Variants in RICTOR observed in about 807,000 individuals in gnomAD.
RICTOR encodes rapamycin-insensitive companion of mTOR.
In RICTOR, 49 loss-of-function variants were observed where a neutral mutation model predicts 214.9. That is an observed-to-expected ratio of 0.23 (90% confidence interval 0.18 to 0.29). The LOEUF is 0.29. Among genes scored for constraint, RICTOR ranks in the 10% least tolerant of loss-of-function variants. The pLI, the probability that RICTOR is intolerant of heterozygous loss-of-function variation, is 1.00. For synonymous variants in RICTOR, 717 were observed against 711.3 expected (o/e 1.01, Z -0.13); for missense variants, 1,625 against 2,047.0 (o/e 0.79, Z 3.98).
At chr5:38,999,579 G>A (rs1290384283) in intron 5 of RICTOR, among the ~76,000 whole-genome samples, 2 of 151,868 alleles carry the variant, frequency 1.3e-5, no homozygotes, top group African/African-American at 4.8e-5. Context: ...TCATAGCCAA[G>A]ACACGAAAAG....
chr5:39,019,512 T>G (rs1174679342), intron 3 of RICTOR, among the ~76,000 whole-genome samples: 1 of 152,180 alleles, frequency 6.6e-6, no homozygotes, highest in Admixed American at 6.5e-5. Context: ...GCTTTACAAA[T>G]GGAACAAGGC....
chr5:39,051,266 C>T (rs916488131), intron 2 of RICTOR, among the ~76,000 whole-genome samples: 2 of 152,182 alleles, frequency 1.3e-5, no homozygotes, highest in South Asian at 4.1e-4. Flanking sequence ...TTTATTAACA[C>T]TTGTTCTTAG....
chr5:39,071,512 A>C (rs1759320662), intron 2 of RICTOR, among the ~76,000 whole-genome samples: 1 of 152,230 alleles, frequency 6.6e-6, no homozygotes, highest in South Asian at 2.1e-4. Context: ...TCTTATGCCA[A>C]GTACTTTAAT....
chr5:39,030,517 T>C (rs1467664491), intron 2 of RICTOR, among the ~76,000 whole-genome samples: 1 of 152,160 alleles, frequency 6.6e-6, no homozygotes, highest in African/African-American at 2.4e-5. Context: ...TTGGATGAGA[T>C]GTCATTTACT....
chr5:38,966,376 A>G (rs1462061348), intron 15 of RICTOR, among the ~76,000 whole-genome samples: 2 of 152,230 alleles, frequency 1.3e-5, no homozygotes, highest in East Asian at 3.9e-4. Context: ...AGTGAGTGTA[A>G]AAATCAACAT....
intron 6 of RICTOR, among the ~76,000 whole-genome samples, chr5:38,994,068 T>C (rs1394463161): frequency 6.6e-6 from 1 of 151,992 alleles, no homozygotes; most frequent in Non-Finnish European, 1.5e-5. Context: ...CGGGTGCCTG[T>C]AGTCCCAGCT....
intron 25 of RICTOR, among the ~76,000 whole-genome samples, chr5:38,956,879 G>T (rs1388012311): frequency 6.6e-6 from 1 of 151,970 alleles, no homozygotes; most frequent in Non-Finnish European, 1.5e-5. Context: ...TGTATGCTTG[G>T]AAGTTTTAGT....
chr5:39,054,238 C>T (rs934140345), intron 2 of RICTOR, among the ~76,000 whole-genome samples: 16 of 151,914 alleles, frequency 1.1e-4, no homozygotes, highest in African/African-American at 3.9e-4. Context: ...ACAAGAATTT[C>T]CCCCAAATCT....
In RICTOR at chr5:39,043,817, C is replaced by T. The variant is rs959268364; in HGVS notation, c.98-22681G>A. ...ACTGGTGGCTTTATAAGAAGAGAAG[C>T]GACCTGAGCTAGCACATTAGCACGC... On this transcript the variant is annotated intron_variant, in intron 2 of 37. Coordinates refer to ENST00000357387, the MANE Select transcript of RICTOR (RefSeq NM_152756.5). Among the ~76,000 whole-genome samples, 13 of 152,154 alleles carry T rather than the reference C, an allele frequency of 8.5e-5. No homozygotes were observed. The South Asian group carries it at 2.1e-3, about 24-fold the overall frequency.
chr5:39,062,955 T>C (rs1487383892), intron 2 of RICTOR, among the ~76,000 whole-genome samples: 1 of 152,124 alleles, frequency 6.6e-6, no homozygotes, highest in Non-Finnish European at 1.5e-5. Flanking sequence ...ACTGTCAGGT[T>C]ACATGTTTAA....
chr5:39,006,339 A>C (rs1487406200), intron 3 of RICTOR, among the ~76,000 whole-genome samples: 3 of 152,176 alleles, frequency 2.0e-5, no homozygotes, highest in Non-Finnish European at 2.9e-5. Context: ...AATATATGCC[A>C]GTTTAATCTA....
At chr5:38,949,482 A>G in intron 31 of RICTOR, 1 of 1,452,632 alleles carries the variant, frequency 6.9e-7, no homozygotes, top group Non-Finnish European at 9.4e-7. Flanking sequence ...TGTCCTTTGC[A>G]AAGCATGTAT....
intron 14 of RICTOR, 172 bp downstream of exon 14, chr5:38,966,987 GAC>G (rs1207395760): frequency 1.5e-6 from 1 of 667,834 alleles, no homozygotes; most frequent in Non-Finnish European, 2.7e-6. Context: ...TTTTAGTTGA[GAC>G]ACAGTTTCAC....
chr5:39,009,454 A>C (rs183947743), intron 3 of RICTOR, among the ~76,000 whole-genome samples: 3 of 152,308 alleles, frequency 2.0e-5, no homozygotes, highest in African/African-American at 7.2e-5. Context: ...CTCAAATGCA[A>C]GAAAAGTTTT....
chr5:39,040,151 GT>G (rs1234614916), intron 2 of RICTOR, among the ~76,000 whole-genome samples: 1 of 152,012 alleles, frequency 6.6e-6, no homozygotes, highest in Non-Finnish European at 1.5e-5. Context: ...AAAATGATGA[GT>G]TCATGTCCTT....
At chr5:38,988,289 G>C (rs1752327261) in intron 7 of RICTOR, among the ~76,000 whole-genome samples, 1 of 152,096 alleles carries the variant, frequency 6.6e-6, no homozygotes, top group South Asian at 2.1e-4. Context: ...ATTGACAGTG[G>C]AGTGTTAAAG....
intron 34 of RICTOR, 134 bp from the exon 35 acceptor site, chr5:38,945,202 AC>A (rs1284281565): frequency 1.4e-6 from 1 of 695,446 alleles, no homozygotes; most frequent in Non-Finnish European, 2.3e-6. Flanking sequence ...CACTTCCAAA[AC>A]TTTTTTCCTC....
intron 32 of RICTOR, 41 bp downstream of exon 32, chr5:38,947,223 G>A (rs1470263099): frequency 1.4e-6 from 2 of 1,462,302 alleles, no homozygotes; most frequent in Non-Finnish European, 1.9e-6. Context: ...GAAAAAATAG[G>A]AAACCAACTC....
chr5:39,037,831 C>T (rs1410287227), intron 2 of RICTOR, among the ~76,000 whole-genome samples: 2 of 152,178 alleles, frequency 1.3e-5, no homozygotes, highest in South Asian at 4.1e-4. Context: ...TAATTAGTAG[C>T]TTACCAACCA....
Sources: allele counts gnomAD v4.1 joint callset (sites outside exome capture counted in the v4.1 genomes callset), GRCh38; gene constraint gnomAD v4.1.1; transcripts MANE v1.5; gene names NCBI Gene and HGNC (gene_info 2026-07-23, HGNC 2026-07-21).